RBM33: variants seen among roughly 807,000 people sequenced by gnomAD.
RBM33 encodes RNA binding motif protein 33.
Under a neutral mutation model 132.6 loss-of-function variants are expected in RBM33, and 28 were observed. The observed-to-expected ratio is 0.21, with a 90% CI of 0.16 to 0.29. The LOEUF is 0.29. RBM33 is among the 10% of genes least tolerant of loss of function. The pLI is 1.00. For synonymous variants in RBM33, 634 were observed against 593.0 expected (o/e 1.07, Z -1.01); for missense variants, 1,291 against 1,518.5 (o/e 0.85, Z 2.49).
intron 6 of RBM33, among the ~76,000 whole-genome samples, chr7:155,703,198 AT>A (rs1159092794): frequency 2.0e-5 from 3 of 151,884 alleles, no homozygotes; most frequent in Non-Finnish European, 4.4e-5. Context: ...CTTTTCCCTC[AT>A]TTTTTTCTTT....
At chr7:155,679,076 G>A (rs1451997749) in intron 4 of RBM33, among the ~76,000 whole-genome samples, 3 of 152,208 alleles carry the variant, frequency 2.0e-5, no homozygotes, top group African/African-American at 2.4e-5. Context: ...GAGGGCTGAA[G>A]CAGGAGAATT....
rs776340484 is a variant in RBM33, at chr7:155,673,766, G to GCACACACACA, written c.171+852_171+853insACACACACAC. Reference sequence around the variant, plus strand: ...CACACGTGTATATACGCGCGCATGCGCGCACACACACACACACACACACAC... The same window carrying GCACACACACA: ...CACACGTGTATATACGCGCGCATGCGCACACACACACGCACACACACACACACACACACAC... On this transcript the variant is annotated intron_variant, in intron 3 of 17. Coordinates refer to ENST00000401878, the MANE Select transcript of RBM33 (RefSeq NM_053043.3). 6.7e-4 allele frequency among the ~76,000 whole-genome samples: 81 copies of GCACACACACA among 120,302 alleles called. 1 individual carries two copies. Among genetic ancestry groups the GCACACACACA allele is most frequent in the East Asian group, 4.2e-3 (18 of 4,308 alleles). 78.9% of individuals were successfully genotyped at this position (120,302 alleles called of 152,430 possible).
At chr7:155,715,735 G>A (rs1800442188) in intron 8 of RBM33, among the ~76,000 whole-genome samples, 1 of 152,200 alleles carries the variant, frequency 6.6e-6, no homozygotes, top group African/African-American at 2.4e-5. Flanking sequence ...CACTTTCGAA[G>A]CAGTTGTTTA....
At chr7:155,708,983 C>G (rs1800198554) in intron 7 of RBM33, among the ~76,000 whole-genome samples, 1 of 151,966 alleles carries the variant, frequency 6.6e-6, no homozygotes, top group African/African-American at 2.4e-5. Context: ...ATGGTGCCCT[C>G]AAGAGATGCC....
chr7:155,681,297 A>G (rs1799331393), intron 5 of RBM33, among the ~76,000 whole-genome samples: 1 of 152,238 alleles, frequency 6.6e-6, no homozygotes. Context: ...AGACATCTTT[A>G]AGGTGCTAAT....
intron 1 of RBM33, among the ~76,000 whole-genome samples, chr7:155,660,045 C>G (rs1790143087): frequency 6.6e-6 from 1 of 152,214 alleles, no homozygotes; most frequent in African/African-American, 2.4e-5. Flanking sequence ...AGTGTGATCT[C>G]ATCCGAACTT....
At chr7:155,647,272 A>G (rs11764100) in intron 1 of RBM33, among the ~76,000 whole-genome samples, 10,836 of 152,198 alleles carry the variant, frequency 0.071, 620 homozygotes, top group African/African-American at 0.16. Flanking sequence ...ACCTGGATTA[A>G]TTTCACAACC....
intron 14 of RBM33, among the ~76,000 whole-genome samples, chr7:155,759,378 T>C (rs147939698): frequency 6.6e-6 from 1 of 152,092 alleles, no homozygotes; most frequent in African/African-American, 2.4e-5. Flanking sequence ...GAGAACTTTT[T>C]CTTATTCGGG....
chr7:155,737,353 C>CTGTGTGTGTG (rs59512454), intron 9 of RBM33, among the ~76,000 whole-genome samples, 177 bp from the exon 10 acceptor site: 3,449 of 142,870 alleles, frequency 0.024, 121 homozygotes, highest in African/African-American at 0.073. Flanking sequence ...ATGCATGACT[C>CTGTGTGTGTG]TGTGTGTGTG....
intron 14 of RBM33, among the ~76,000 whole-genome samples, chr7:155,759,932 C>A (rs574717811): frequency 6.6e-6 from 1 of 152,190 alleles, no homozygotes; most frequent in Non-Finnish European, 1.5e-5. Context: ...GTACTGTCGC[C>A]TCTCTTTCTG....
At chr7:155,647,787 A>G (rs900775423) in intron 1 of RBM33, among the ~76,000 whole-genome samples, 4 of 152,228 alleles carry the variant, frequency 2.6e-5, no homozygotes, top group Admixed American at 6.5e-5. Context: ...TGGAATTGCT[A>G]TCCTTACTAA....
intron 2 of RBM33, among the ~76,000 whole-genome samples, chr7:155,670,680 T>C (rs1479601001): frequency 6.6e-6 from 1 of 152,168 alleles, no homozygotes; most frequent in Admixed American, 6.5e-5. Context: ...AGCTCGTGTG[T>C]GTGGAACATG....
intron 5 of RBM33, among the ~76,000 whole-genome samples, chr7:155,681,291 A>G (rs982845946): frequency 3.3e-5 from 5 of 152,214 alleles, no homozygotes; most frequent in African/African-American, 1.2e-4. Flanking sequence ...TGCTAAAGAC[A>G]TCTTTAAGGT....
chr7:155,658,291 A>G (rs1798546390), intron 1 of RBM33, among the ~76,000 whole-genome samples: 1 of 151,074 alleles, frequency 6.6e-6, no homozygotes, highest in South Asian at 2.1e-4. Context: ...TTTGGTTACT[A>G]TTTGCGTGAA....
chr7:155,739,855 A>G lies in RBM33; in HGVS notation c.1878A>G (p.Pro626=), dbSNP rs1203714154. The G allele has an allele frequency of 1.0e-5, 8 of 795,984 alleles. No individual in the cohort carries two copies. Among genetic ancestry groups the G allele is most frequent in the South Asian group, 4.5e-5 (2 of 44,452 alleles). The allele number at this position is 795,984 out of a possible 1,614,324, so 49.3% of individuals were successfully genotyped here. A position where few individuals can be genotyped will look rare whatever the true frequency, so the allele number is the denominator to read the frequency against. The change falls in exon 12 of 18, where the codon CCA becomes CCG. Residue 626 remains proline (P), a synonymous_variant. Coordinates refer to ENST00000401878, the MANE Select transcript of RBM33 (RefSeq NM_053043.3). ...AGCACCAGCCCCCACCCCAGCACCC[A>G]CCACAGCACCCGCCGCAGCACCAGC... The part of the protein sequence containing the change: ...PPQHQPPPQH[P]PQHPPQHQHH...
chr7:155,742,847 C>T (rs1801394716), intron 13 of RBM33, among the ~76,000 whole-genome samples: 1 of 152,176 alleles, frequency 6.6e-6, no homozygotes, highest in Non-Finnish European at 1.5e-5. Flanking sequence ...AAAGGAGGGT[C>T]GGCCAGGGCG....
rs1197989329 is a variant in RBM33, at chr7:155,680,845, G to C, written c.504G>C (p.Glu168Asp). The C allele has an allele frequency of 7.4e-6, 12 of 1,613,750 alleles. No homozygotes were observed. Among genetic ancestry groups the C allele is most frequent in the Non-Finnish European group, 1.0e-5 (12 of 1,179,824 alleles). ...DQIEYVEEPE[E>D]EQLYTDEVLD... is the part of the protein sequence containing the mutation. ...TAGAATATGTGGAAGAGCCAGAGGA[G>C]GAGCAGCTTTACACTGATGAAGTGT... Residue 168 changes from glutamate (E) to aspartate (D), a missense_variant, in exon 5 of 18, where the codon GAG (glutamate) becomes GAC (aspartate). Coordinates refer to ENST00000401878, the MANE Select transcript of RBM33 (RefSeq NM_053043.3).
In RBM33 at chr7:155,706,599, C is replaced by T. The variant is rs138099771; in HGVS notation, c.740-261C>T. 3.9e-3 allele frequency among the ~76,000 whole-genome samples: 587 copies of T among 152,056 alleles called. 2 individuals carry two copies. The highest frequency in any genetic ancestry group is 6.7e-3 in the Admixed American group (102 of 15,280). ...TCAGTCAGCACATATCAGTGGTCTC[C>T]GATGAAAATAATTTAAAATTTACTG... On this transcript the variant is annotated intron_variant, in intron 6 of 17. Transcript: ENST00000401878.
intron 3 of RBM33, among the ~76,000 whole-genome samples, chr7:155,673,406 GTGTGTGT>G (rs781430370): frequency 7.2e-6 from 1 of 138,364 alleles, no homozygotes; most frequent in Non-Finnish European, 1.6e-5. Context: ...TATATATTGT[GTGTGTGT>G]GTGTGTGTGT....
Sources: gnomAD v4.1 joint callset for allele counts (sites outside exome capture counted in the v4.1 genomes callset) on GRCh38, gnomAD v4.1.1 for gene constraint, MANE v1.5 for transcripts, NCBI Gene and HGNC (gene_info 2026-07-23, HGNC 2026-07-21) for gene names.